ZNF644: variants seen among roughly 807,000 people sequenced by gnomAD.
ZNF644 encodes zinc finger motif enhancer binding protein 2.
In ZNF644, 20 loss-of-function variants were observed where a neutral mutation model predicts 108.0. The observed-to-expected ratio is 0.19, with a 90% CI of 0.13 to 0.27. The LOEUF (loss-of-function observed/expected upper bound fraction) is 0.27. ZNF644 is among the 10% of genes least tolerant of loss of function. The pLI is 1.00. For synonymous variants in ZNF644, 542 were observed against 539.1 expected, an observed-to-expected ratio of 1.01 and a Z score of -0.08; for missense variants, 1,338 against 1,548.9, an observed-to-expected ratio of 0.86 and a Z score of 2.29.
intron 4 of ZNF644, among the ~76,000 whole-genome samples, chr1:90,922,070 A>G (rs1355055585): frequency 6.6e-6 from 1 of 152,188 alleles, no homozygotes. Flanking sequence ...ATTTTATACA[A>G]TAATTGCTTC....
chr1:90,939,260 CAT>C lies in ZNF644; in HGVS notation c.2092_2093del (p.Met698ValfsTer9). 1.9e-6 allele frequency: 3 copies of C among 1,614,042 alleles called. No individual in the cohort carries two copies. The highest frequency in any genetic ancestry group is 2.5e-6 in the Non-Finnish European group (3 of 1,179,922). On this transcript the variant is annotated frameshift_variant, in exon 3 of 6. Transcript: ENST00000337393. LOFTEE classifies it high-confidence loss of function. Reference sequence around the variant, plus strand: ...TATGAGGAGAGCTGTTTTGATTGCACATGTTTACACCTGATTGGGCAATGCTT... The same window carrying C: ...TATGAGGAGAGCTGTTTTGATTGCACGTTTACACCTGATTGGGCAATGCTT... ...RKSIAQSGVN[M>X]CNQNSSPHKN...
chr1:90,956,910 GACA>G (rs543995984), intron 2 of ZNF644, among the ~76,000 whole-genome samples: 116 of 152,166 alleles, frequency 7.6e-4, no homozygotes, highest in Non-Finnish European at 1.5e-3. Context: ...CAAAGGAATT[GACA>G]ACAACAACAA....
intron 1 of ZNF644, among the ~76,000 whole-genome samples, chr1:90,984,734 G>C (rs1333830973): frequency 6.6e-6 from 1 of 152,094 alleles, no homozygotes; most frequent in African/African-American, 2.4e-5. Context: ...TGCACACACA[G>C]AGGGCAGGCT....
intron 2 of ZNF644, among the ~76,000 whole-genome samples, chr1:90,968,745 T>C (rs1655174488): frequency 6.6e-6 from 1 of 152,168 alleles, no homozygotes; most frequent in Non-Finnish European, 1.5e-5. Context: ...CCTTTCAGAT[T>C]TATGATTCTT....
chr1:90,981,362 GTTA>G (rs1008749695), intron 2 of ZNF644, among the ~76,000 whole-genome samples: 4 of 151,988 alleles, frequency 2.6e-5, no homozygotes, highest in Non-Finnish European at 5.9e-5. Context: ...TACCACTACT[GTTA>G]TTATTATATA....
At chr1:90,930,015 A>G (rs995213482) in intron 4 of ZNF644, among the ~76,000 whole-genome samples, 1 of 152,214 alleles carries the variant, frequency 6.6e-6, no homozygotes, top group Non-Finnish European at 1.5e-5. Flanking sequence ...GGCTGGGTGC[A>G]GTGGCTCACG....
At chr1:90,992,534 A>T (rs1346149697) in intron 1 of ZNF644, among the ~76,000 whole-genome samples, 7 of 152,232 alleles carry the variant, frequency 4.6e-5, no homozygotes, top group Non-Finnish European at 8.8e-5. Flanking sequence ...AAATATAGCA[A>T]AGAGTAATCT....
chr1:90,939,573 G>A lies in ZNF644; in HGVS notation c.1781C>T (p.Thr594Ile). 6.2e-7 allele frequency: 1 copy of A among 1,614,000 alleles called. No individual in the cohort carries two copies. The highest frequency in any genetic ancestry group is 2.2e-5 in the East Asian group (1 of 44,880). ...ATYICKMCPF[T>I]TSAKSVLKKH... ...TTTTAAAACACTTTTGGCTGAAGTA[G>A]TAAAAGGACACATCTTACATATGTA... Residue 594 changes from threonine to isoleucine, a missense_variant, in exon 3 of 6, where the codon ACT becomes ATT. Thr to Ile is a moderately conservative substitution (Grantham distance 89). Coordinates refer to ENST00000337393, the MANE Select transcript of ZNF644 (RefSeq NM_201269.3).
intron 1 of ZNF644, among the ~76,000 whole-genome samples, chr1:90,990,875 T>C (rs1346823810): frequency 6.6e-6 from 1 of 152,088 alleles, no homozygotes; most frequent in East Asian, 1.9e-4. Context: ...CTGAACTATA[T>C]GCTGTTAAAG....
chr1:90,951,607 TAAACTGACACC>T (rs1370778732), intron 2 of ZNF644, among the ~76,000 whole-genome samples: 2 of 152,152 alleles, frequency 1.3e-5, no homozygotes, highest in African/African-American at 2.4e-5. Flanking sequence ...CCACTCTAGT[TAAACTGACACC>T]CCAAAACCCT....
rs1306579544 is a variant in ZNF644, at chr1:90,938,925, C to T, written c.2429G>A (p.Arg810Lys). The stretch of plus-strand genomic sequence containing the variant: ...TTCCTTCTTAGATTCCTTAATTACT[C>T]TCTTTACAGCTACACGTCTGTGATC... ...FKDHRRVAVK[R>K]VIKESKKESS... The change falls in exon 3 of 6, where the codon AGA (arginine) becomes AAA (lysine). Residue 810 changes from arginine (R) to lysine (K), a missense_variant. Coordinates refer to ENST00000337393, the MANE Select transcript of ZNF644 (RefSeq NM_201269.3). This position sits in a 1 kb window ranked among gnomAD's most constrained non-coding sequence, Gnocchi z 4.2. 1.9e-6 allele frequency: 3 copies of T among 1,614,014 alleles called. No individual in the cohort carries two copies. Among genetic ancestry groups the T allele is most frequent in the Admixed American group, 1.7e-5 (1 of 60,000 alleles).
chr1:90,946,465 T>C (rs1652527421), intron 2 of ZNF644, among the ~76,000 whole-genome samples: 1 of 152,146 alleles, frequency 6.6e-6, no homozygotes. Flanking sequence ...CCTTCTAATA[T>C]GTACTACAAA....
chr1:90,931,926 G>A (rs575121893), intron 4 of ZNF644, among the ~76,000 whole-genome samples: 159 of 152,140 alleles, frequency 1.0e-3, no homozygotes, highest in Non-Finnish European at 1.4e-3. Flanking sequence ...ATTGATGATA[G>A]CCTTCAGGAG....
At chr1:90,989,586 T>C (rs1290816907) in intron 1 of ZNF644, among the ~76,000 whole-genome samples, 1 of 152,080 alleles carries the variant, frequency 6.6e-6, no homozygotes, top group Non-Finnish European at 1.5e-5. Context: ...ACATCACCAG[T>C]CATCAGAGAA....
At chr1:90,921,389 A>G (rs1485788826) in intron 4 of ZNF644, among the ~76,000 whole-genome samples, 3 of 152,122 alleles carry the variant, frequency 2.0e-5, no homozygotes, top group Non-Finnish European at 4.4e-5. Flanking sequence ...TTTTATTTGC[A>G]CTTGTTAGTG....
At chr1:90,964,945 T>C (rs943630362) in intron 2 of ZNF644, among the ~76,000 whole-genome samples, 4 of 152,240 alleles carry the variant, frequency 2.6e-5, no homozygotes, top group South Asian at 4.1e-4. Flanking sequence ...CACATTTCCT[T>C]AGAAGACATA....
At chr1:90,948,912 A>C (rs2101026902) in intron 2 of ZNF644, among the ~76,000 whole-genome samples, 1 of 152,316 alleles carries the variant, frequency 6.6e-6, no homozygotes, top group South Asian at 2.1e-4. Flanking sequence ...AGATTTCTTA[A>C]ACTTCTGTAG....
At chr1:90,986,083 T>TA (rs1657064164) in intron 1 of ZNF644, among the ~76,000 whole-genome samples, 1 of 152,098 alleles carries the variant, frequency 6.6e-6, no homozygotes, top group African/African-American at 2.4e-5. Flanking sequence ...ATTACTTATA[T>TA]AAGTGGGAGG....
intron 2 of ZNF644, among the ~76,000 whole-genome samples, chr1:90,960,202 C>A (rs2101121761): frequency 1.3e-5 from 2 of 152,056 alleles, no homozygotes. Flanking sequence ...GGTGAAAGTT[C>A]TCAATAAGAA....
Sources: gnomAD v4.1 joint callset for allele counts (sites outside exome capture counted in the v4.1 genomes callset) on GRCh38, gnomAD v4.1.1 for gene constraint, Gnocchi (gnomAD v3.1) non-coding constraint, MANE v1.5 for transcripts, NCBI Gene and HGNC (gene_info 2026-07-23, HGNC 2026-07-21) for gene names.